The following GALNT13 variants were observed in gnomAD, a reference collection of about 807,000 sequenced individuals.
GALNT13 encodes the protein UDP-GalNAc:polypeptide N-acetylgalactosaminyltransferase 13.
Under a neutral mutation model 64.2 loss-of-function variants are expected in GALNT13, and 28 were observed. The ratio of observed to expected loss-of-function variants is 0.44; its 90% confidence interval spans 0.32 to 0.60. The LOEUF (loss-of-function observed/expected upper bound fraction) is 0.60, where lower values mean the gene tolerates loss of function less well. Among genes scored for constraint, GALNT13 ranks in the 20% least tolerant of loss-of-function variants. The probability of loss-of-function intolerance (pLI) is 0.05; values close to 1 mark genes in which losing one functional copy is unlikely to be tolerated. For missense variants in GALNT13, 577 were observed against 669.8 expected (o/e 0.86, Z 1.53); for synonymous variants, 214 against 224.6 (o/e 0.95, Z 0.42).
At chr2:153,827,530 G>T in the GALNT13 span, among the ~76,000 whole-genome samples, 1 of 151,848 alleles carries the variant, frequency 6.6e-6, no homozygotes, top group South Asian at 2.1e-4. Flanking sequence ...GAGGCTGAGC[G>T]GGGGAGAATG....
At chr2:153,909,569 A>T (rs1424163855) in intron 2 of GALNT13, among the ~76,000 whole-genome samples, 4 of 152,090 alleles carry the variant, frequency 2.6e-5, no homozygotes, top group African/African-American at 9.7e-5. Context: ...TGGTTTTGTC[A>T]TAGATGGCTC....
the GALNT13 span, among the ~76,000 whole-genome samples, chr2:153,091,788 C>T: frequency 4.6e-5 from 7 of 152,096 alleles, no homozygotes; most frequent in African/African-American, 7.2e-5. Context: ...CCCATTTTGT[C>T]GGTTGTTTCT....
chr2:153,364,434 G>A, the GALNT13 span, among the ~76,000 whole-genome samples: 1 of 152,084 alleles, frequency 6.6e-6, no homozygotes, highest in African/African-American at 2.4e-5. Flanking sequence ...AGAAAAAAAG[G>A]AAGCCAAATT....
intron 8 of GALNT13, among the ~76,000 whole-genome samples, chr2:154,283,794 T>C (rs895570950): frequency 6.6e-6 from 1 of 151,984 alleles, no homozygotes; most frequent in African/African-American, 2.4e-5. Flanking sequence ...GATGACAAAC[T>C]ATAGAATTGA....
At chr2:153,870,017 C>A (rs2105204884), upstream of GALNT13, among the ~76,000 whole-genome samples, 1 of 152,070 alleles carries the variant, frequency 6.6e-6, no homozygotes, top group Admixed American at 6.6e-5. Context: ...CTGAGTCCCA[C>A]ACCCTCAAGA....
chr2:154,075,179 C>T (rs1700925455), intron 3 of GALNT13, among the ~76,000 whole-genome samples: 1 of 151,744 alleles, frequency 6.6e-6, no homozygotes, highest in Non-Finnish European at 1.5e-5. Flanking sequence ...ATGCTTATTA[C>T]TTGAGTGACA....
intron 9 of GALNT13, among the ~76,000 whole-genome samples, chr2:154,356,506 A>G (rs1268187508): frequency 2.0e-5 from 3 of 152,032 alleles, no homozygotes; most frequent in Admixed American, 6.6e-5. Flanking sequence ...GTCACAGAGT[A>G]TTCTACATGA....
the GALNT13 span, among the ~76,000 whole-genome samples, chr2:153,331,344 G>A: frequency 6.6e-6 from 1 of 151,784 alleles, no homozygotes; most frequent in South Asian, 2.1e-4. Flanking sequence ...ACACCTAGTA[G>A]AATTCACCTG....
At chr2:153,683,912 TG>T in the GALNT13 span, among the ~76,000 whole-genome samples, 1 of 151,618 alleles carries the variant, frequency 6.6e-6, no homozygotes, top group South Asian at 2.1e-4. Context: ...AGCAAATAAA[TG>T]GATAAACGTG....
chr2:153,216,977 A>G, the GALNT13 span, among the ~76,000 whole-genome samples: 1 of 151,970 alleles, frequency 6.6e-6, no homozygotes, highest in Non-Finnish European at 1.5e-5. Flanking sequence ...ATTTTTATAT[A>G]TGGAGTGAAG....
intron 1 of GALNT13, among the ~76,000 whole-genome samples, chr2:153,887,874 C>T (rs1227635755): frequency 6.6e-6 from 1 of 151,928 alleles, no homozygotes; most frequent in East Asian, 1.9e-4. Flanking sequence ...GCCATCCCAC[C>T]CTTCATTTCT....
chr2:154,317,107 G>T (rs1694360476), intron 9 of GALNT13, among the ~76,000 whole-genome samples: 1 of 152,014 alleles, frequency 6.6e-6, no homozygotes, highest in South Asian at 2.1e-4. Context: ...CAGCTACTCA[G>T]GAGGCTGAGG....
chr2:154,241,937 A>G (rs2105869673), intron 4 of GALNT13, 93 bp from the exon 5 acceptor site: 3 of 682,606 alleles, frequency 4.4e-6, no homozygotes, highest in East Asian at 6.0e-5. Context: ...GGGGCTTTCA[A>G]GTCTGAAGTT....
chr2:153,324,882 G>T, the GALNT13 span, among the ~76,000 whole-genome samples: 1 of 152,096 alleles, frequency 6.6e-6, no homozygotes, highest in Non-Finnish European at 1.5e-5. Flanking sequence ...GATTCAGTTT[G>T]CCAGTCTTTT....
intron 4 of GALNT13, among the ~76,000 whole-genome samples, chr2:154,152,881 C>G (rs1684138212): frequency 6.6e-6 from 1 of 152,090 alleles, no homozygotes; most frequent in Admixed American, 6.5e-5. Context: ...TTTGAATTTC[C>G]TCCTGTAGGT....
At chr2:153,927,235 C>A (rs996800931) in intron 2 of GALNT13, among the ~76,000 whole-genome samples, 15 of 151,822 alleles carry the variant, frequency 9.9e-5, no homozygotes, top group African/African-American at 3.6e-4. Flanking sequence ...CCCGTTTATC[C>A]CATCTTTGCT....
chr2:153,112,834 T>C, the GALNT13 span, among the ~76,000 whole-genome samples: 1 of 152,110 alleles, frequency 6.6e-6, no homozygotes, highest in Non-Finnish European at 1.5e-5. Context: ...CTTTGTTATA[T>C]GTTTGTGACT....
At chr2:153,959,870 A>G (rs1692822217) in intron 3 of GALNT13, among the ~76,000 whole-genome samples, 1 of 152,102 alleles carries the variant, frequency 6.6e-6, no homozygotes, top group Non-Finnish European at 1.5e-5. Context: ...AGAGGCCTGT[A>G]CAGGCAGGTA....
the GALNT13 span, among the ~76,000 whole-genome samples, chr2:153,282,196 T>C: frequency 6.6e-6 from 1 of 152,198 alleles, no homozygotes; most frequent in Non-Finnish European, 1.5e-5. Flanking sequence ...AAATGTATTT[T>C]TGAAATTTCT....
Sources: gnomAD v4.1 joint callset for allele counts (sites outside exome capture counted in the v4.1 genomes callset) on GRCh38, gnomAD v4.1.1 for gene constraint, MANE v1.5 for transcripts, NCBI Gene and HGNC (gene_info 2026-07-23, HGNC 2026-07-21) for gene names.